The following ZFX variants were observed in gnomAD, a reference collection of about 807,000 sequenced individuals.
The protein encoded by ZFX is zinc finger X-chromosomal protein.
For missense variants in ZFX, 362 were observed against 628.3 expected, an observed-to-expected ratio of 0.58 and a Z score of 4.53; for synonymous variants, 196 against 226.8, an observed-to-expected ratio of 0.86 and a Z score of 1.22.
chrX:24,161,137 T>C (rs5949235), intron 3 of ZFX, among the ~76,000 whole-genome samples: 1 of 111,648 alleles, frequency 9.0e-6, no homozygotes, highest in Non-Finnish European at 1.9e-5. Context: ...TATAATAAGG[T>C]CAAAAAACAT....
At chrX:24,157,783 T>G (rs1021377938) in intron 3 of ZFX, among the ~76,000 whole-genome samples, 10 of 111,513 alleles carry the variant, frequency 9.0e-5, no homozygotes, top group African/African-American at 2.3e-4. Context: ...TTATTTTGCT[T>G]CTTTTTTTTC....
At chrX:24,171,359 A>T (rs1440296676) in intron 3 of ZFX, among the ~76,000 whole-genome samples, 1 of 110,957 alleles carries the variant, frequency 9.0e-6, no homozygotes, top group Non-Finnish European at 1.9e-5. Context: ...GTTTGGCTGA[A>T]CTTTGTGTGG....
chrX:24,155,453 G>A (rs948337253), intron 3 of ZFX, among the ~76,000 whole-genome samples: 4 of 111,866 alleles, frequency 3.6e-5, no homozygotes, highest in African/African-American at 1.3e-4. Flanking sequence ...TCTTCTTGGA[G>A]GGACCGATAG....
At chrX:24,150,509 C>G (rs1320036238) in intron 1 of ZFX, 3 of 113,037 alleles carry the variant, frequency 2.7e-5, no homozygotes, top group Admixed American at 9.2e-5. Context: ...CCCGCAGCCC[C>G]GTGACTGGCT....
rs778615117 is a variant in ZFX at position 24,207,352 on chromosome X, G to A, written c.673G>A (p.Asp225Asn). The A allele has an allele frequency of 5.0e-6, 6 of 1,207,484 alleles. No individual in the cohort carries two copies. The highest frequency in any genetic ancestry group is 6.7e-6 in the Non-Finnish European group (6 of 894,189). Residue 225 changes from aspartate to asparagine, a missense_variant, in exon 6 of 10, where the codon GAT becomes AAT. Coordinates refer to ENST00000304543, the MANE Select transcript of ZFX (RefSeq NM_003410.4). The part of the protein sequence containing the change: ...SLDDAGKIEH[D>N]GSSGMTMDTE... ...GGATGATGCTGGCAAAATAGAACAC[G>A]ATGGTTCTTCTGGAATGACCATGGA...
intron 3 of ZFX, among the ~76,000 whole-genome samples, chrX:24,158,251 TGTA>T (rs1221159080): frequency 9.0e-6 from 1 of 110,892 alleles, no homozygotes; most frequent in Non-Finnish European, 1.9e-5. Flanking sequence ...GTCAGTGAAA[TGTA>T]GTAGTAATAA....
Position 24,186,650 on chromosome X carries a change from C to T in ZFX, c.646+6880C>T, listed in dbSNP as rs931113748. On this transcript the variant is annotated intron_variant, in intron 5 of 9. Transcript: ENST00000304543. ...AAAAAAAAATCAAAAACCAAAAAAC[C>T]ACACAAAACAACAATAAATGATGAT... Among the ~76,000 whole-genome samples, 3 of 110,745 alleles carry T rather than the reference C, an allele frequency of 2.7e-5. No homozygotes were observed. The East Asian group carries it at 8.5e-4, about 31-fold the overall frequency.
At chrX:24,173,245 A>G (rs1331818348) in intron 4 of ZFX, among the ~76,000 whole-genome samples, 1 of 112,147 alleles carries the variant, frequency 8.9e-6, no homozygotes, top group Non-Finnish European at 1.9e-5. Context: ...TAACTTTTGC[A>G]TTATTTTCCT....
intron 3 of ZFX, among the ~76,000 whole-genome samples, chrX:24,163,364 GTTTTTTTTTTTTTTTT>G (rs66467960): frequency 3.1e-4 from 6 of 19,063 alleles, no homozygotes; most frequent in Admixed American, 1.3e-3. Context: ...TTTTTGTTAG[GTTTTTTTTTTTTTTTT>G]TTTTTTTTTT....
Position 24,215,083 on chromosome X carries a change from A to G in ZFX, c.*3707A>G, listed in dbSNP as rs755100824. 1 of 112,009 alleles carries G rather than the reference A, an allele frequency of 8.9e-6. No individual in the cohort carries two copies. The highest frequency in any genetic ancestry group is 3.7e-4 in the South Asian group (1 of 2,695). The allele number at this position is 112,009 out of a possible 1,213,427, so 9.2% of individuals were successfully genotyped here. On this transcript the variant is annotated 3_prime_UTR_variant, in exon 10 of 10. Transcript: ENST00000304543. Reference sequence around the variant, plus strand: ...CTAATAGTTGAAACAATAAATTAAAATTTTAGGTAAATGACGAAGGGAATG... The same window carrying G: ...CTAATAGTTGAAACAATAAATTAAAGTTTTAGGTAAATGACGAAGGGAATG...
intron 3 of ZFX, among the ~76,000 whole-genome samples, chrX:24,170,986 C>A (rs918060315): frequency 4.5e-5 from 5 of 111,808 alleles, no homozygotes; most frequent in African/African-American, 1.6e-4. Flanking sequence ...TAGAATATAT[C>A]TCAGAGTTGG....
At chrX:24,189,823 C>G (rs970081966) in intron 5 of ZFX, among the ~76,000 whole-genome samples, 3 of 111,189 alleles carry the variant, frequency 2.7e-5, no homozygotes, top group Non-Finnish European at 5.7e-5. Flanking sequence ...ACTATTAGCA[C>G]AGAAGAGATA....
chrX:24,174,554 C>T (rs1006890706), intron 4 of ZFX, among the ~76,000 whole-genome samples: 2 of 108,280 alleles, frequency 1.8e-5, no homozygotes, highest in African/African-American at 6.7e-5. Flanking sequence ...CCACCACGCC[C>T]AGCTAATTTT....
At chrX:24,186,944 T>A (rs1936165105) in intron 5 of ZFX, among the ~76,000 whole-genome samples, 1 of 112,265 alleles carries the variant, frequency 8.9e-6, no homozygotes, top group Non-Finnish European at 1.9e-5. Context: ...TATATGAATG[T>A]TATAGCTGAA....
chrX:24,163,378 T>TTG (rs1276613522), intron 3 of ZFX, among the ~76,000 whole-genome samples: 1 of 66,771 alleles, frequency 1.5e-5, no homozygotes, highest in Non-Finnish European at 2.8e-5. Context: ...TTTTTTTTTT[T>TTG]TTTTTTTTTT....
rs1938103031 is a variant in ZFX, at chrX:24,211,790, A to C, written c.*414A>C. 8.2e-6 allele frequency: 1 copy of C among 121,422 alleles called. No homozygotes were observed. The highest frequency in any genetic ancestry group is 3.2e-5 in the African/African-American group (1 of 30,969). The allele number at this position is 121,422 out of a possible 1,213,427, so 10.0% of individuals were successfully genotyped here. A position where few individuals can be genotyped will look rare whatever the true frequency, so the allele number is the denominator to read the frequency against. ...ATTTTTTTCCCCATACATTTCTCAC[A>C]ATAAAATTGTCAGAGACATCTACTA... On this transcript the variant is annotated 3_prime_UTR_variant, in exon 10 of 10. Transcript: ENST00000304543.
chrX:24,158,703 C>A (rs764416241), intron 3 of ZFX, among the ~76,000 whole-genome samples: 1 of 110,530 alleles, frequency 9.0e-6, no homozygotes, highest in South Asian at 3.8e-4. Context: ...ATGGTGCGAT[C>A]TCGGCTCACT....
intron 5 of ZFX, among the ~76,000 whole-genome samples, chrX:24,205,291 T>G (rs1473069467): frequency 1.8e-5 from 2 of 112,023 alleles, no homozygotes; most frequent in African/African-American, 6.5e-5. Context: ...GACTCAACAT[T>G]GAAAAAACCC....
intron 5 of ZFX, among the ~76,000 whole-genome samples, chrX:24,199,766 A>C (rs1288325371): frequency 9.1e-6 from 1 of 109,671 alleles, no homozygotes; most frequent in Admixed American, 9.8e-5. Context: ...AAAAATACAA[A>C]ATTAGCCAGG....
Sources: gnomAD v4.1 joint callset for allele counts (sites outside exome capture counted in the v4.1 genomes callset) on GRCh38, gnomAD v4.1.1 for gene constraint, MANE v1.5 for transcripts, NCBI Gene and HGNC (gene_info 2026-07-23, HGNC 2026-07-21) for gene names.